Variants in C10orf90 observed in about 807,000 individuals in gnomAD.
The protein encoded by C10orf90 is chromosome 10 open reading frame 90.
Under a neutral mutation model 62.5 loss-of-function variants are expected in C10orf90, and 56 were observed. The ratio of observed to expected loss-of-function variants is 0.90; its 90% CI spans 0.72 to 1.12. The LOEUF is 1.12. Among genes scored for constraint, C10orf90 ranks in the 50% most tolerant of loss-of-function variants. C10orf90 has a pLI of 0.00. For missense variants in C10orf90, 970 were observed against 880.4 expected, an observed-to-expected ratio of 1.10 and a Z score of -1.29; for synonymous variants, 386 against 340.4, an observed-to-expected ratio of 1.13 and a Z score of -1.47.
intron 2 of C10orf90, among the ~76,000 whole-genome samples, chr10:126,634,578 C>T (rs1457841632): frequency 2.0e-5 from 3 of 151,932 alleles, no homozygotes; most frequent in African/African-American, 4.8e-5. Context: ...TGTACAATAG[C>T]GTATTGTACA....
intron 7 of C10orf90, among the ~76,000 whole-genome samples, chr10:126,447,964 G>A (rs560467757): frequency 2.0e-5 from 3 of 149,378 alleles, no homozygotes; most frequent in Non-Finnish European, 4.4e-5. Flanking sequence ...TGACTCTCCT[G>A]CCTCAGCCTC....
intron 4 of C10orf90, 79 bp downstream of exon 4, chr10:126,503,878 G>C: frequency 6.7e-7 from 1 of 1,499,982 alleles, no homozygotes; most frequent in South Asian, 1.3e-5. Flanking sequence ...AATAAGTTTT[G>C]TATAAGAAAT....
chr10:126,577,846 C>T (rs1844658484), intron 2 of C10orf90, among the ~76,000 whole-genome samples: 1 of 152,026 alleles, frequency 6.6e-6, no homozygotes, highest in Non-Finnish European at 1.5e-5. Context: ...AGACCCTCTC[C>T]TAATTTATGA....
At chr10:126,582,339 T>C (rs1348203053) in intron 2 of C10orf90, among the ~76,000 whole-genome samples, 1 of 152,238 alleles carries the variant, frequency 6.6e-6, no homozygotes, top group East Asian at 1.9e-4. Flanking sequence ...ATTTGAAGTG[T>C]GCAGTTGCCT....
chr10:126,434,538 T>A (rs1429121582), intron 7 of C10orf90, among the ~76,000 whole-genome samples: 1 of 152,178 alleles, frequency 6.6e-6, no homozygotes, highest in Admixed American at 6.5e-5. Flanking sequence ...GTTTTAGACA[T>A]TTGCTTCCCC....
chr10:126,459,585 A>G (rs1859826134), intron 6 of C10orf90, among the ~76,000 whole-genome samples: 2 of 152,214 alleles, frequency 1.3e-5, no homozygotes, highest in African/African-American at 4.8e-5. Context: ...CCAAAGAGAC[A>G]TGGGAGTGGA....
chr10:126,518,375 A>C (rs1277415399), intron 2 of C10orf90, among the ~76,000 whole-genome samples: 2 of 152,316 alleles, frequency 1.3e-5, no homozygotes, highest in East Asian at 3.9e-4. Flanking sequence ...TGTTGATCTA[A>C]GACAGCTTAA....
intron 2 of C10orf90, among the ~76,000 whole-genome samples, chr10:126,606,503 G>C (rs1044030958): frequency 6.6e-6 from 1 of 152,030 alleles, no homozygotes; most frequent in Admixed American, 6.6e-5. Context: ...GAAGTTATCC[G>C]GTGTGGGCTC....
chr10:126,531,899 C>T (rs546548328), intron 2 of C10orf90, among the ~76,000 whole-genome samples: 2 of 152,118 alleles, frequency 1.3e-5, no homozygotes, highest in East Asian at 1.9e-4. Context: ...GACAGATATC[C>T]AGGATGTATA....
At chr10:126,534,236 T>G (rs997917046) in intron 2 of C10orf90, among the ~76,000 whole-genome samples, 7 of 152,200 alleles carry the variant, frequency 4.6e-5, no homozygotes, top group African/African-American at 1.7e-4. Flanking sequence ...TACCTGCTTG[T>G]GCCAAACTCA....
chr10:126,623,862 T>C (rs1490559877), intron 2 of C10orf90, among the ~76,000 whole-genome samples: 2 of 146,722 alleles, frequency 1.4e-5, no homozygotes, highest in African/African-American at 2.5e-5. Context: ...AAAAAAAGAA[T>C]GAGAGCTTCA....
At chr10:126,616,366 G>A in intron 2 of C10orf90, among the ~76,000 whole-genome samples, 1 of 152,190 alleles carries the variant, frequency 6.6e-6, no homozygotes, top group East Asian at 1.9e-4. Context: ...CGGAGGATTT[G>A]ATGAGCATAA....
Position 126,460,383 on chromosome 10 carries a change from A to G in C10orf90, c.2010+1018T>C, listed in dbSNP as rs116890965. 2.6e-4 allele frequency among the ~76,000 whole-genome samples: 40 copies of G among 152,332 alleles called. No individual in the cohort carries two copies. The East Asian group carries it at 6.7e-3, about 26-fold the overall frequency. On this transcript the variant is annotated intron_variant, in intron 6 of 9. Transcript: ENST00000488181. ...CACTGGGCATGCTGCCATGACTGAA[A>G]CTTTCCTCTGCCCCCTTCCTCTTCC...
chr10:126,491,590 C>T (rs1223426682), intron 4 of C10orf90, among the ~76,000 whole-genome samples: 1 of 152,200 alleles, frequency 6.6e-6, no homozygotes, highest in African/African-American at 2.4e-5. Flanking sequence ...ACGTGAAATG[C>T]TAACCATTCA....
At chr10:126,544,985 C>A (rs1441042423) in intron 2 of C10orf90, among the ~76,000 whole-genome samples, 1 of 152,178 alleles carries the variant, frequency 6.6e-6, no homozygotes, top group Non-Finnish European at 1.5e-5. Context: ...TTTTTAAACA[C>A]CACTCTTGTT....
intron 7 of C10orf90, among the ~76,000 whole-genome samples, chr10:126,450,421 A>T (rs1859104289): frequency 6.6e-6 from 1 of 152,214 alleles, no homozygotes; most frequent in African/African-American, 2.4e-5. Flanking sequence ...AAAACTGGAG[A>T]CATCACGGTA....
chr10:126,479,595 C>T (rs1192519035), intron 4 of C10orf90, among the ~76,000 whole-genome samples: 1 of 152,210 alleles, frequency 6.6e-6, no homozygotes, highest in Non-Finnish European at 1.5e-5. Flanking sequence ...CAGCTGACAA[C>T]AGGCATGGCA....
chr10:126,476,608 A>G (rs1448098973), intron 4 of C10orf90, among the ~76,000 whole-genome samples: 1 of 152,146 alleles, frequency 6.6e-6, no homozygotes, highest in East Asian at 1.9e-4. Flanking sequence ...TCCCCAAATG[A>G]CGACCATTTC....
At chr10:126,652,404 T>C (rs1846309476) in intron 1 of C10orf90, among the ~76,000 whole-genome samples, 1 of 152,238 alleles carries the variant, frequency 6.6e-6, no homozygotes, top group Non-Finnish European at 1.5e-5. Context: ...CAGTTCAATC[T>C]ATCTGTCTCT....
Sources: gnomAD v4.1 joint callset for allele counts (sites outside exome capture counted in the v4.1 genomes callset) on GRCh38, gnomAD v4.1.1 for gene constraint, MANE v1.5 for transcripts, NCBI Gene and HGNC (gene_info 2026-07-23, HGNC 2026-07-21) for gene names.